CYP4F8: variants seen among roughly 807,000 people sequenced by gnomAD.
CYP4F8 encodes cytochrome P450 4F8.
Under a neutral mutation model 55.0 loss-of-function variants are expected in CYP4F8, and 56 were observed. The observed-to-expected ratio is 1.02, with a 90% confidence interval of 0.82 to 1.27. CYP4F8 has a LOEUF of 1.27. Ranked by LOEUF, CYP4F8 falls within the 50% of genes most tolerant of loss-of-function variation. The pLI, the probability that CYP4F8 is intolerant of heterozygous loss-of-function variation, is 0.00. For synonymous variants in CYP4F8, 288 were observed against 267.3 expected, an observed-to-expected ratio of 1.08 and a Z score of -0.76; for missense variants, 680 against 682.4, an observed-to-expected ratio of 1.00 and a Z score of 0.04.
At chr19:15,623,595 G>C in intron 7 of CYP4F8, 104 bp from the exon 8 acceptor site, 1 of 1,379,448 alleles carries the variant, frequency 7.2e-7, no homozygotes, top group Non-Finnish European at 9.9e-7. Flanking sequence ...TAGATCTGGA[G>C]GTGACAAGGG....
In CYP4F8 at chr19:15,622,716, A is replaced by G. The variant is rs1372261786; in HGVS notation, c.647+376A>G. 4 of 364,458 alleles carry G rather than the reference A, an allele frequency of 1.1e-5. No individual in the cohort carries two copies. In the Admixed American group the frequency reaches 1.8e-4, roughly 16 times the overall value. 22.6% of individuals were successfully genotyped at this position (364,458 alleles called of 1,614,324 possible). ...AGCCATGGAGGTGTTTGAGCAGATGAGAGACATGGTCAGTACTGAGCTTGG... is the reference window on the plus strand; with the variant it reads ...AGCCATGGAGGTGTTTGAGCAGATGGGAGACATGGTCAGTACTGAGCTTGG... On this transcript the variant is annotated intron_variant, in intron 6 of 12. Transcript: ENST00000612078.
Position 15,623,260 on chromosome 19 carries a change from A to G in CYP4F8, c.803A>G (p.Asp268Gly), listed in dbSNP as rs1397322746. The change falls in exon 7 of 13, where the codon GAT becomes GGT. Residue 268 changes from aspartate (D) to glycine (G), a missense_variant. Asp to Gly is a moderately conservative substitution (Grantham distance 94). Transcript: ENST00000612078. ...RACRLVHDFTDAVIQERRRTL... is the reference protein window; with the variant it reads ...RACRLVHDFTGAVIQERRRTL... ...TGCAGACTGGTGCACGACTTCACAG[A>G]TGCCGTCATCCAGGAGCGGCGCCGC... The G allele has an allele frequency of 6.2e-7, 1 of 1,613,924 alleles. No homozygotes were observed. Among genetic ancestry groups the G allele is most frequent in the African/African-American group, 1.3e-5 (1 of 74,868 alleles).
At chr19:15,621,494 C>G (rs1290329244) in intron 5 of CYP4F8, among the ~76,000 whole-genome samples, 2 of 152,138 alleles carry the variant, frequency 1.3e-5, no homozygotes, top group Non-Finnish European at 2.9e-5. Flanking sequence ...CCACTGCACT[C>G]CAGCCTGGGC....
In CYP4F8 at chr19:15,629,777, T is replaced by C. The variant is rs1183199308; in HGVS notation, c.*419T>C. 1 of 159,380 alleles carries C rather than the reference T, an allele frequency of 6.3e-6. No homozygotes were observed. The highest frequency in any genetic ancestry group is 2.4e-5 in the African/African-American group (1 of 41,652). The allele number at this position is 159,380 out of a possible 1,614,324, so 9.9% of individuals were successfully genotyped here. A position where few individuals can be genotyped will look rare whatever the true frequency, so the allele number is the denominator to read the frequency against. On this transcript the variant is annotated 3_prime_UTR_variant, in exon 13 of 13. Coordinates refer to ENST00000612078, the MANE Select transcript of CYP4F8 (RefSeq NM_007253.4). Reference sequence around the variant, plus strand: ...TGGTTAAGTGACTGTGGCTGTCCCATGTGTAGAAGCCAAAGATTATGTGGT... The same window carrying C: ...TGGTTAAGTGACTGTGGCTGTCCCACGTGTAGAAGCCAAAGATTATGTGGT...
intron 9 of CYP4F8, among the ~76,000 whole-genome samples, chr19:15,626,487 C>G (rs901763628): frequency 6.6e-6 from 1 of 152,206 alleles, no homozygotes; most frequent in African/African-American, 2.4e-5. Flanking sequence ...TTACATTTCT[C>G]ATGTTTGAGC....
chr19:15,619,212 G>C (rs983823350), intron 3 of CYP4F8: 4 of 413,302 alleles, frequency 9.7e-6, no homozygotes, highest in Non-Finnish European at 1.8e-5. Flanking sequence ...TTATGCTTGG[G>C]TGTTGCAGAA....
At chr19:15,628,691 C>A in intron 11 of CYP4F8, 70 bp from the exon 12 acceptor site, 1 of 1,603,764 alleles carries the variant, frequency 6.2e-7, no homozygotes, top group Non-Finnish European at 8.5e-7. Flanking sequence ...CCACCCACAT[C>A]TGTTTTATGT....
At chr19:15,618,588 AT>A (rs549913948) in intron 3 of CYP4F8, 992 of 294,076 alleles carry the variant, frequency 3.4e-3, no homozygotes, top group South Asian at 6.1e-3. Flanking sequence ...ATGAGTGATA[AT>A]TTTTTTTTTA....
At chr19:15,622,164 G>C in intron 5 of CYP4F8, 55 bp from the exon 6 acceptor site, 2 of 1,571,624 alleles carry the variant, frequency 1.3e-6, no homozygotes, top group Non-Finnish European at 1.7e-6. Context: ...TGGGGTTGCA[G>C]GGGGACTCAG....
intron 12 of CYP4F8, 45 bp downstream of exon 12, chr19:15,628,888 A>C: frequency 6.5e-7 from 1 of 1,532,360 alleles, no homozygotes; most frequent in Non-Finnish European, 8.8e-7. Context: ...TGAGGGTGGC[A>C]CAGATGGCTG....
chr19:15,616,893 G>A (rs1388336401), intron 2 of CYP4F8, among the ~76,000 whole-genome samples: 1 of 152,132 alleles, frequency 6.6e-6, no homozygotes, highest in African/African-American at 2.4e-5. Context: ...CACAGGTGCA[G>A]GGTGAGGGAA....
At chr19:15,623,027 TG>T in intron 6 of CYP4F8, 77 bp from the exon 7 acceptor site, 1 of 1,509,116 alleles carries the variant, frequency 6.6e-7, no homozygotes, top group Non-Finnish European at 8.9e-7. Context: ...AATGTGGTCC[TG>T]GGATTCTGGC....
At chr19:15,628,483 C>T (rs1972291441) in intron 10 of CYP4F8, 48 bp downstream of exon 10, 1 of 1,613,444 alleles carries the variant, frequency 6.2e-7, no homozygotes, top group Non-Finnish European at 8.5e-7. Flanking sequence ...GCGGTGGTCC[C>T]AGCAGGCAGC....
Position 15,622,339 on chromosome 19 carries a change from G to T in CYP4F8, c.646G>T (p.Glu216Ter). 6.4e-7 allele frequency: 1 copy of T among 1,560,346 alleles called. No individual in the cohort carries two copies. Among genetic ancestry groups the T allele is most frequent in the Admixed American group, 1.7e-5 (1 of 57,474 alleles). ...CTTCAGCTTTGACAGCAATTGTCAG[G>T]AGTGAGTTCTTGCCCAGGGCCTGGG... ...CIFSFDSNCQ[E>*]KPSEYITAIM... Residue 216 changes from glutamate to a stop codon, truncating the protein, a stop_gained and splice_region_variant, in exon 6 of 13, where the codon GAG becomes TAG. Transcript: ENST00000612078. LOFTEE classifies it high-confidence loss of function.
At chr19:15,618,346 C>G (rs754060460) in intron 3 of CYP4F8, 2 of 890,604 alleles carry the variant, frequency 2.2e-6, no homozygotes, top group Non-Finnish European at 1.8e-6. Context: ...TCCCCACCTC[C>G]GTGTTGTTCT....
chr19:15,623,280 C>T lies in CYP4F8; in HGVS notation c.823C>T (p.Arg275Cys), dbSNP rs768548133. 7.9e-5 allele frequency: 128 copies of T among 1,613,914 alleles called. No homozygotes were observed. The highest frequency in any genetic ancestry group is 5.7e-4 in the Admixed American group (34 of 59,994). ...DFTDAVIQER[R>C]RTLTSQGVDD... ...CACAGATGCCGTCATCCAGGAGCGG[C>T]GCCGCACCCTCACTAGCCAGGGTGT... Residue 275 changes from arginine to cysteine, a missense_variant, in exon 7 of 13, where the codon CGC (arginine) becomes TGC (cysteine). Physicochemically the swap from Arg to Cys is radical, Grantham distance 180. Coordinates refer to ENST00000612078, the MANE Select transcript of CYP4F8 (RefSeq NM_007253.4).
intron 9 of CYP4F8, among the ~76,000 whole-genome samples, chr19:15,625,645 G>A (rs1385917137): frequency 6.6e-6 from 1 of 151,054 alleles, no homozygotes; most frequent in Non-Finnish European, 1.5e-5. Context: ...TTTTTCCCTC[G>A]AGTTCCTATT....
rs751359019 is a variant in CYP4F8, at chr19:15,618,008, C to T, written c.207C>T (p.Pro69=). 1.5e-5 allele frequency: 24 copies of T among 1,613,826 alleles called. No individual in the cohort carries two copies. The East Asian group carries it at 3.3e-4, about 22-fold the overall frequency. The stretch of plus-strand genomic sequence containing the variant: ...CCTTGCCTTGCTTGCAGGTCACTCC[C>T]ACAGAGGAGGGCTTGAGGGTCCTGA... ...WFLGHLGLVT[P]TEEGLRVLTQ... The change falls in exon 3 of 13, where the codon CCC becomes CCT. Residue 69 remains proline (P), a synonymous_variant. Transcript: ENST00000612078.
intron 5 of CYP4F8, among the ~76,000 whole-genome samples, chr19:15,620,512 T>C (rs1039746330): frequency 2.0e-5 from 3 of 152,146 alleles, no homozygotes; most frequent in Non-Finnish European, 4.4e-5. Flanking sequence ...TGTCTTAGCC[T>C]CGTGGGTAGA....
Sources: gnomAD v4.1 joint callset for allele counts (sites outside exome capture counted in the v4.1 genomes callset) on GRCh38, gnomAD v4.1.1 for gene constraint, MANE v1.5 for transcripts, NCBI Gene and HGNC (gene_info 2026-07-23, HGNC 2026-07-21) for gene names.